ATRNL1: variants seen among roughly 807,000 people sequenced by gnomAD.
ATRNL1 encodes the protein attractin like 1, also known as attractin-like protein 1.
Under a neutral mutation model 182.7 loss-of-function variants are expected in ATRNL1, and 95 were observed. The observed-to-expected ratio is 0.52, with a 90% confidence interval of 0.44 to 0.62. The LOEUF is 0.62. ATRNL1 is among the 20% of genes least tolerant of loss of function. ATRNL1 has a pLI of 0.00. For missense variants in ATRNL1, 1,471 were observed against 1,679.5 expected (o/e 0.88, Z 2.17); for synonymous variants, 576 against 568.3 (o/e 1.01, Z -0.19).
At chr10:115,597,104 T>C (rs909921323) in intron 26 of ATRNL1, among the ~76,000 whole-genome samples, 1 of 152,160 alleles carries the variant, frequency 6.6e-6, no homozygotes, top group African/African-American at 2.4e-5. Context: ...AGTAAAACAT[T>C]TTGATTATAT....
At chr10:115,222,367 G>A (rs1448954481) in intron 9 of ATRNL1, among the ~76,000 whole-genome samples, 2 of 152,128 alleles carry the variant, frequency 1.3e-5, no homozygotes, top group Non-Finnish European at 2.9e-5. Context: ...CCTAAAAAGA[G>A]AAGAGTGAAG....
intron 26 of ATRNL1, among the ~76,000 whole-genome samples, chr10:115,628,518 C>G (rs1366511100): frequency 6.6e-6 from 1 of 150,746 alleles, no homozygotes; most frequent in Non-Finnish European, 1.5e-5. Context: ...TTCTCCCGTT[C>G]TATAGATTGT....
intron 8 of ATRNL1, among the ~76,000 whole-genome samples, chr10:115,187,882 A>G (rs1486247210): frequency 3.3e-5 from 5 of 151,716 alleles, no homozygotes; most frequent in Admixed American, 6.6e-5. Flanking sequence ...GGGTTTCACC[A>G]TGTTAACCAG....
At chr10:115,904,712 A>C (rs1248384743) in intron 28 of ATRNL1, among the ~76,000 whole-genome samples, 1 of 152,356 alleles carries the variant, frequency 6.6e-6, no homozygotes, top group East Asian at 1.9e-4. Flanking sequence ...CTGTCAACAT[A>C]AAGATGCCCT....
chr10:115,389,357 T>C (rs1843844571), intron 19 of ATRNL1, among the ~76,000 whole-genome samples: 1 of 150,874 alleles, frequency 6.6e-6, no homozygotes, highest in African/African-American at 2.4e-5. Flanking sequence ...ATACAAAAAT[T>C]AGCCAGGCGG....
intron 28 of ATRNL1, among the ~76,000 whole-genome samples, chr10:115,928,653 A>G (rs919293249): frequency 6.6e-6 from 1 of 152,104 alleles, no homozygotes; most frequent in African/African-American, 2.4e-5. Flanking sequence ...TCACTTTCTT[A>G]TCTTTTTCCT....
chr10:115,919,369 A>C (rs1390541271), intron 28 of ATRNL1, among the ~76,000 whole-genome samples: 6 of 152,236 alleles, frequency 3.9e-5, no homozygotes, highest in Non-Finnish European at 7.3e-5. Flanking sequence ...GAAGTGCAGC[A>C]GAATGGAGAA....
chr10:115,290,302 C>T (rs1014634956), intron 15 of ATRNL1, among the ~76,000 whole-genome samples: 3 of 152,072 alleles, frequency 2.0e-5, no homozygotes, highest in South Asian at 2.1e-4. Flanking sequence ...GGGTAATACC[C>T]GAGGTTCTTT....
At chr10:115,662,576 G>T (rs10159881) in intron 26 of ATRNL1, among the ~76,000 whole-genome samples, 1,771 of 152,174 alleles carry the variant, frequency 0.012, 36 homozygotes, top group African/African-American at 0.04. Flanking sequence ...TTATTGAATA[G>T]TTTTTAAAAG....
chr10:115,504,896 A>G (rs1448783563), intron 24 of ATRNL1, among the ~76,000 whole-genome samples: 2 of 152,072 alleles, frequency 1.3e-5, no homozygotes, highest in Non-Finnish European at 2.9e-5. Context: ...CTATAGAAGT[A>G]CATCTTTAGA....
At chr10:115,827,457 T>G (rs1257419121) in intron 27 of ATRNL1, among the ~76,000 whole-genome samples, 1 of 152,174 alleles carries the variant, frequency 6.6e-6, no homozygotes, top group Non-Finnish European at 1.5e-5. Flanking sequence ...ACGTAAGGTG[T>G]CTCAGACAAT....
At chr10:115,457,895 GT>G (rs1291852061) in intron 21 of ATRNL1, among the ~76,000 whole-genome samples, 2 of 151,850 alleles carry the variant, frequency 1.3e-5, no homozygotes, top group African/African-American at 4.8e-5. Context: ...GGCATAAAAT[GT>G]GTTATTTCCC....
At chr10:115,286,530 A>G (rs1261022800) in intron 15 of ATRNL1, 133 bp downstream of exon 15, 1 of 561,574 alleles carries the variant, frequency 1.8e-6, no homozygotes, top group Non-Finnish European at 3.0e-6. Flanking sequence ...TCTCAAGTGA[A>G]TTGGCAGAAG....
chr10:115,751,562 C>T (rs1404289025), intron 27 of ATRNL1, among the ~76,000 whole-genome samples: 6 of 152,020 alleles, frequency 3.9e-5, no homozygotes, highest in African/African-American at 1.4e-4. Flanking sequence ...ACAAACACAT[C>T]TCTGTCACTG....
At chr10:115,386,509 G>A (rs1039480723) in intron 19 of ATRNL1, among the ~76,000 whole-genome samples, 2 of 152,074 alleles carry the variant, frequency 1.3e-5, no homozygotes, top group South Asian at 4.2e-4. Context: ...TGACTGCCTT[G>A]ATCAGCTAGT....
chr10:115,830,632 A>T (rs1950538218), intron 27 of ATRNL1, among the ~76,000 whole-genome samples: 1 of 152,142 alleles, frequency 6.6e-6, no homozygotes, highest in Admixed American at 6.5e-5. Context: ...GTATCTGAAA[A>T]TGTCTTGCTT....
At chr10:115,533,580 G>A (rs1378369367) in intron 25 of ATRNL1, among the ~76,000 whole-genome samples, 4 of 151,806 alleles carry the variant, frequency 2.6e-5, no homozygotes, top group African/African-American at 9.7e-5. Context: ...TTTTTTGAAG[G>A]GTTTTTTTGT....
At chr10:115,751,247 G>A (rs762038285) in intron 27 of ATRNL1, among the ~76,000 whole-genome samples, 10 of 151,998 alleles carry the variant, frequency 6.6e-5, no homozygotes, top group Non-Finnish European at 8.8e-5. Context: ...GCTGGAAAAG[G>A]CAATGAAATG....
intron 1 of ATRNL1, among the ~76,000 whole-genome samples, chr10:115,115,765 A>G (rs1844457099): frequency 6.6e-6 from 1 of 152,108 alleles, no homozygotes; most frequent in African/African-American, 2.4e-5. Context: ...TCGTAAATTA[A>G]AACTATCACA....
Sources: gnomAD v4.1 joint callset for allele counts (sites outside exome capture counted in the v4.1 genomes callset) on GRCh38, gnomAD v4.1.1 for gene constraint, MANE v1.5 for transcripts, NCBI Gene and HGNC (gene_info 2026-07-23, HGNC 2026-07-21) for gene names.